The following CARD19 variants were observed in gnomAD, a reference collection of about 807,000 sequenced individuals.
The protein encoded by CARD19 is caspase recruitment domain-containing protein 19.
CARD19 carries 25 observed loss-of-function variants against 24.1 expected under a neutral mutation model. That is an observed-to-expected ratio of 1.04 (90% CI 0.76 to 1.45). The LOEUF is 1.45. CARD19 is among the 40% of genes most tolerant of loss of function. The probability of loss-of-function intolerance (pLI) is 0.00; values close to 1 mark genes in which losing one functional copy is unlikely to be tolerated. For missense variants in CARD19, 241 were observed against 247.4 expected, an observed-to-expected ratio of 0.97 and a Z score of 0.17; for synonymous variants, 103 against 104.9, an observed-to-expected ratio of 0.98 and a Z score of 0.11.
chr9:93,112,350 C>A, intron 5 of CARD19, 61 bp downstream of exon 5: 1 of 1,446,928 alleles, frequency 6.9e-7, no homozygotes, highest in South Asian at 1.2e-5. Flanking sequence ...CAAGCCAGGG[C>A]CCCAGACCCT....
chr9:93,111,844 C>G (rs368465993), intron 3 of CARD19, 35 bp from the exon 4 acceptor site: 3 of 1,603,264 alleles, frequency 1.9e-6, no homozygotes, highest in Admixed American at 3.3e-5. Flanking sequence ...CGGCCCTGCC[C>G]GTTGACTAAC....
intron 5 of CARD19, 51 bp from the exon 6 acceptor site, chr9:93,112,941 T>A: frequency 1.5e-6 from 2 of 1,325,286 alleles, no homozygotes; most frequent in Non-Finnish European, 2.1e-6. Flanking sequence ...AAACACAGAA[T>A]TCACCTCTGG....
intron 2 of CARD19, among the ~76,000 whole-genome samples, chr9:93,109,493 T>C (rs961554354): frequency 6.6e-6 from 1 of 150,808 alleles, no homozygotes; most frequent in Non-Finnish European, 1.5e-5. Flanking sequence ...TTCTTTGAGA[T>C]GGAGTCTCTG....
At chr9:93,109,188 C>A (rs934169075) in intron 2 of CARD19, 4 of 152,240 alleles carry the variant, frequency 2.6e-5, no homozygotes, top group Non-Finnish European at 4.4e-5. Context: ...AATGCATGTT[C>A]ACTTTTAAAA....
Position 93,112,228 on chromosome 9 carries a change from C to G in CARD19, c.375C>G (p.Ser125Arg). 1 of 1,545,294 alleles carries G rather than the reference C, an allele frequency of 6.5e-7. No homozygotes were observed. Among genetic ancestry groups the G allele is most frequent in the Non-Finnish European group, 8.7e-7 (1 of 1,146,990 alleles). The change falls in exon 5 of 6, where the codon AGC becomes AGG. Residue 125 changes from serine (S) to arginine (R), a missense_variant. Transcript: ENST00000375464. ...SGELSNRGPM[S>R]FLAGLGLAVG... is the part of the protein sequence containing the mutation. ...CTGGTTTCTCCCCAGGACCCATGAG[C>G]TTCCTGGCTGGCCTGGGCCTTGCTG...
chr9:93,102,140 T>G (rs766814839), intron 1 of CARD19, among the ~76,000 whole-genome samples: 2 of 152,086 alleles, frequency 1.3e-5, no homozygotes, highest in Non-Finnish European at 2.9e-5. Context: ...TTTTGTATTT[T>G]TAGTAGAGAC....
chr9:93,106,678 G>A (rs1473189284), intron 1 of CARD19, among the ~76,000 whole-genome samples: 1 of 150,862 alleles, frequency 6.6e-6, no homozygotes, highest in African/African-American at 2.4e-5. Context: ...TGTATGTCTT[G>A]TAGCTTTTTT....
intron 1 of CARD19, among the ~76,000 whole-genome samples, chr9:93,105,239 T>C (rs1462694122): frequency 1.3e-5 from 2 of 151,782 alleles, no homozygotes; most frequent in Admixed American, 6.6e-5. Flanking sequence ...TTTCTCATGT[T>C]ACCTCCTAAT....
intron 1 of CARD19, among the ~76,000 whole-genome samples, chr9:93,099,231 C>T (rs1274597577): frequency 2.6e-5 from 4 of 152,218 alleles, no homozygotes; most frequent in Non-Finnish European, 5.9e-5. Context: ...GCCTGCAGAA[C>T]TCTTTAGTGA....
At chr9:93,112,489 A>G (rs1827539418) in intron 5 of CARD19, among the ~76,000 whole-genome samples, 200 bp downstream of exon 5, 1 of 152,120 alleles carries the variant, frequency 6.6e-6, no homozygotes, top group Non-Finnish European at 1.5e-5. Flanking sequence ...GGCCCCTGCC[A>G]CCCTTGGGAA....
At chr9:93,107,033 C>A (rs911727998) in intron 1 of CARD19, among the ~76,000 whole-genome samples, 1 of 152,174 alleles carries the variant, frequency 6.6e-6, no homozygotes, top group Admixed American at 6.5e-5. Context: ...ATTTCTAGCC[C>A]TCTGGGAGAA....
chr9:93,112,406 C>A, intron 5 of CARD19, 117 bp downstream of exon 5: 1 of 811,544 alleles, frequency 1.2e-6, no homozygotes, highest in African/African-American at 1.7e-5. Flanking sequence ...GGTGTCCACA[C>A]TTGTGCAGTG....
At chr9:93,112,883 GC>G (rs1162189739) in intron 5 of CARD19, 108 bp from the exon 6 acceptor site, 2 of 670,302 alleles carry the variant, frequency 3.0e-6, no homozygotes, top group African/African-American at 3.7e-5. Flanking sequence ...CCGGGAGGGA[GC>G]ACCCTGTCCC....
chr9:93,098,087 G>A (rs947859053), intron 1 of CARD19, among the ~76,000 whole-genome samples: 1 of 152,266 alleles, frequency 6.6e-6, no homozygotes, highest in African/African-American at 2.4e-5. Flanking sequence ...CTGAGGAGGT[G>A]TCTGCGTGGG....
chr9:93,105,904 G>A (rs1827235687), intron 1 of CARD19, among the ~76,000 whole-genome samples: 1 of 152,126 alleles, frequency 6.6e-6, no homozygotes, highest in East Asian at 1.9e-4. Context: ...ACTGAAAGTG[G>A]TGTTTTGAAG....
At chr9:93,103,321 A>T (rs1005460550) in intron 1 of CARD19, among the ~76,000 whole-genome samples, 4 of 152,334 alleles carry the variant, frequency 2.6e-5, no homozygotes, top group East Asian at 3.9e-4. Context: ...TCCCCTCAAA[A>T]TAATCTGAGG....
At chr9:93,099,862 G>A (rs1262893278) in intron 1 of CARD19, among the ~76,000 whole-genome samples, 1 of 152,252 alleles carries the variant, frequency 6.6e-6, no homozygotes, top group Non-Finnish European at 1.5e-5. Context: ...TCAGCCAGAT[G>A]ATGGAGTGGC....
chr9:93,111,813 C>T (rs558077327), intron 3 of CARD19, 66 bp from the exon 4 acceptor site: 79 of 1,584,826 alleles, frequency 5.0e-5, no homozygotes, highest in South Asian at 2.5e-4. Flanking sequence ...GGGCTTCCTG[C>T]GGGGTGACTA....
intron 5 of CARD19, 118 bp from the exon 6 acceptor site, chr9:93,112,874 C>T (rs1418166116): frequency 9.3e-6 from 6 of 642,126 alleles, no homozygotes; most frequent in South Asian, 8.3e-5. Context: ...AGACCATGAC[C>T]GGGAGGGAGC....
Sources: allele counts gnomAD v4.1 joint callset (sites outside exome capture counted in the v4.1 genomes callset), GRCh38; gene constraint gnomAD v4.1.1; transcripts MANE v1.5; gene names NCBI Gene and HGNC (gene_info 2026-07-23, HGNC 2026-07-21).